The following PCGF5 variants were observed in gnomAD, a reference collection of about 807,000 sequenced individuals.
The protein encoded by PCGF5 is polycomb group RING finger protein 5.
A neutral mutation model predicts 44.3 loss-of-function variants in PCGF5; 9 were observed. The ratio of observed to expected loss-of-function variants is 0.20; its 90% CI spans 0.12 to 0.35. The LOEUF (loss-of-function observed/expected upper bound fraction) is 0.35, where lower values mean the gene tolerates loss of function less well. Among genes scored for constraint, PCGF5 ranks in the 10% least tolerant of loss-of-function variants. The pLI is 1.00. For synonymous variants in PCGF5, 95 were observed against 102.5 expected, an observed-to-expected ratio of 0.93 and a Z score of 0.44; for missense variants, 146 against 305.3, an observed-to-expected ratio of 0.48 and a Z score of 3.89.
At chr10:91,226,289 T>TG (rs371580963) in intron 2 of PCGF5, among the ~76,000 whole-genome samples, 2 of 75,142 alleles carry the variant, frequency 2.7e-5, no homozygotes, top group East Asian at 8.1e-4. Flanking sequence ...TTAAGAAATG[T>TG]AAAAAAAAAA....
intron 1 of PCGF5, among the ~76,000 whole-genome samples, chr10:91,192,811 A>G (rs1372999770): frequency 1.3e-5 from 2 of 152,220 alleles, no homozygotes; most frequent in African/African-American, 4.8e-5. Context: ...GTTGTAGTAT[A>G]AATACCATGG....
chr10:91,213,639 CT>C (rs113834545), intron 1 of PCGF5, among the ~76,000 whole-genome samples: 4,953 of 141,600 alleles, frequency 0.035, 233 homozygotes, highest in African/African-American at 0.11. Flanking sequence ...TTTTTTTTTT[CT>C]TTTTTTTTTT....
chr10:91,254,782 A>G (rs533948777), intron 6 of PCGF5, among the ~76,000 whole-genome samples: 140 of 152,264 alleles, frequency 9.2e-4, no homozygotes, highest in Admixed American at 1.8e-3. Context: ...TCACTTTTCC[A>G]TGAAAGTATA....
chr10:91,176,917 T>G (rs957381636), intron 1 of PCGF5, among the ~76,000 whole-genome samples: 3 of 152,260 alleles, frequency 2.0e-5, no homozygotes, highest in African/African-American at 7.2e-5. Flanking sequence ...ATCAAAGTCT[T>G]TCTCCGTCCA....
chr10:91,177,267 G>A (rs1439231372), intron 1 of PCGF5, among the ~76,000 whole-genome samples: 1 of 151,432 alleles, frequency 6.6e-6, no homozygotes, highest in East Asian at 1.9e-4. Context: ...TCCTCTGGAA[G>A]TTTTGTCTCA....
At chr10:91,261,254 G>T in intron 6 of PCGF5, 72 bp from the exon 7 acceptor site, 1 of 1,365,652 alleles carries the variant, frequency 7.3e-7, no homozygotes. Flanking sequence ...TGGTAGCTAT[G>T]GTTTCACCAG....
At chr10:91,248,433 C>A in intron 3 of PCGF5, 72 bp from the exon 4 acceptor site, 1 of 1,302,370 alleles carries the variant, frequency 7.7e-7, no homozygotes, top group Non-Finnish European at 1.1e-6. Context: ...TAAGATTATA[C>A]ATCTCAGACT....
intron 3 of PCGF5, among the ~76,000 whole-genome samples, chr10:91,247,476 GTT>G (rs1373538313): frequency 6.6e-6 from 1 of 151,966 alleles, no homozygotes; most frequent in African/African-American, 2.4e-5. Flanking sequence ...TTTGAAAAGA[GTT>G]AATGAGTTGA....
At chr10:91,173,409 A>G (rs1843646773) in intron 1 of PCGF5, among the ~76,000 whole-genome samples, 1 of 152,168 alleles carries the variant, frequency 6.6e-6, no homozygotes, top group Non-Finnish European at 1.5e-5. Context: ...AAGTTTTTGT[A>G]TTGTAAAATA....
intron 1 of PCGF5, among the ~76,000 whole-genome samples, chr10:91,183,693 G>C (rs529721060): frequency 2.0e-5 from 3 of 152,176 alleles, no homozygotes; most frequent in Non-Finnish European, 4.4e-5. Flanking sequence ...TGTTTCTGTA[G>C]TGGCTGGTAA....
intron 1 of PCGF5, among the ~76,000 whole-genome samples, chr10:91,213,687 T>C (rs1564635183): frequency 6.6e-6 from 1 of 151,706 alleles, no homozygotes; most frequent in Admixed American, 6.6e-5. Context: ...GGTTTCTCCA[T>C]GTTGGTCAGG....
At chr10:91,251,831 TG>T (rs1351055276) in intron 6 of PCGF5, among the ~76,000 whole-genome samples, 1 of 152,060 alleles carries the variant, frequency 6.6e-6, no homozygotes, top group Non-Finnish European at 1.5e-5. Flanking sequence ...TATTTTTATT[TG>T]CAACTCAACA....
At chr10:91,249,612 T>C (rs1845573538) in intron 5 of PCGF5, among the ~76,000 whole-genome samples, 1 of 151,810 alleles carries the variant, frequency 6.6e-6, no homozygotes, top group South Asian at 2.1e-4. Flanking sequence ...CATAGGATTG[T>C]CAATTATACA....
upstream of PCGF5, among the ~76,000 whole-genome samples, chr10:91,216,082 A>G (rs1272899013): frequency 6.6e-6 from 1 of 152,234 alleles, no homozygotes; most frequent in Non-Finnish European, 1.5e-5. Flanking sequence ...TGCTGGGGAT[A>G]TGCATAGCCA....
intron 1 of PCGF5, among the ~76,000 whole-genome samples, chr10:91,183,883 T>C (rs189203085): frequency 1.9e-4 from 29 of 152,324 alleles, no homozygotes; most frequent in Admixed American, 9.8e-4. Context: ...ATGTTGAATA[T>C]TGGCCCCCAA....
intron 1 of PCGF5, among the ~76,000 whole-genome samples, chr10:91,180,579 A>G (rs1489275830): frequency 6.6e-6 from 1 of 152,062 alleles, no homozygotes; most frequent in Non-Finnish European, 1.5e-5. Flanking sequence ...TCACAGCACC[A>G]TTTATTTATG....
At chr10:91,261,205 C>T (rs965924397) in intron 6 of PCGF5, 121 bp from the exon 7 acceptor site, 5 of 1,214,990 alleles carry the variant, frequency 4.1e-6, no homozygotes, top group Non-Finnish European at 5.4e-6. Context: ...GAAATGTTTT[C>T]ACAATACATT....
At chr10:91,275,607 A>ATTTTTTTTTTTTTTTTT (rs72439811) in intron 9 of PCGF5, among the ~76,000 whole-genome samples, 1 of 128,892 alleles carries the variant, frequency 7.8e-6, no homozygotes, top group Admixed American at 7.9e-5. Context: ...TGCCCGGCTA[A>ATTTTTTTTTTTTTTTTT]TTTTTTTTTT....
At chr10:91,262,687 G>C (rs1382442776) in intron 7 of PCGF5, among the ~76,000 whole-genome samples, 1 of 152,104 alleles carries the variant, frequency 6.6e-6, no homozygotes, top group Middle Eastern at 3.2e-3. Flanking sequence ...TTATGGTATG[G>C]TTCTACAAAT....
Sources: allele counts gnomAD v4.1 joint callset (sites outside exome capture counted in the v4.1 genomes callset), GRCh38; gene constraint gnomAD v4.1.1; transcripts MANE v1.5; gene names NCBI Gene and HGNC (gene_info 2026-07-23, HGNC 2026-07-21).